The following CALU variants were observed in gnomAD, a reference collection of about 807,000 sequenced individuals.
CALU encodes the protein calumenin, also known as IEF SSP 9302.
CALU carries 13 observed loss-of-function variants against 37.5 expected under a neutral mutation model. That is an observed-to-expected ratio of 0.35 (90% CI 0.23 to 0.55). The LOEUF is 0.55. CALU is among the 20% of genes least tolerant of loss of function. The pLI, the probability that CALU is intolerant of heterozygous loss-of-function variation, is 0.89. For missense variants in CALU, 282 were observed against 391.7 expected (o/e 0.72, Z 2.36); for synonymous variants, 114 against 133.8 (o/e 0.85, Z 1.02).
intron 1 of CALU, among the ~76,000 whole-genome samples, chr7:128,740,498 C>A (rs1450448963): frequency 6.6e-6 from 1 of 152,180 alleles, no homozygotes; most frequent in African/African-American, 2.4e-5. Flanking sequence ...AGTTTGACCT[C>A]ACTCAGTAGA....
rs35355395 is a variant in CALU at position 128,770,576 on chromosome 7, C to CA, written c.*1424dup. 3.6e-3 allele frequency: 436 copies of CA among 122,504 alleles called. 2 individuals carry two copies. Among genetic ancestry groups the CA allele is most frequent in the East Asian group, 6.4e-3 (25 of 3,922 alleles). 7.6% of individuals were successfully genotyped at this position (122,504 alleles called of 1,614,324 possible). A position where few individuals can be genotyped will look rare whatever the true frequency, so the allele number is the denominator to read the frequency against. On this transcript the variant is annotated 3_prime_UTR_variant, in exon 7 of 7. Coordinates refer to ENST00000249364, the MANE Select transcript of CALU (RefSeq NM_001219.5). Reference sequence around the variant, plus strand: ...CCTCCTCTTTCCCTCTCCCCGCTGCCAAAAAAAAAAAAAAAGGAAACGTTT... The same window carrying CA: ...CCTCCTCTTTCCCTCTCCCCGCTGCCAAAAAAAAAAAAAAAAGGAAACGTTT...
At chr7:128,758,321 CT>C (rs1554365775) in intron 3 of CALU, among the ~76,000 whole-genome samples, 1 of 152,130 alleles carries the variant, frequency 6.6e-6, no homozygotes, top group Non-Finnish European at 1.5e-5. Context: ...TGATTTCTAT[CT>C]TTTTAATGAG....
In CALU at chr7:128,771,723, A is replaced by G. The variant is rs1801571919; in HGVS notation, c.*2556A>G. ...ACTGGAGAGACCTGCTGCTCGTTAT[A>G]TAATTATCTGATACCAAACACAAGC... On this transcript the variant is annotated 3_prime_UTR_variant, in exon 7 of 7. Transcript: ENST00000249364. 1 of 152,246 alleles carries G rather than the reference A, an allele frequency of 6.6e-6. No individual in the cohort carries two copies. The highest frequency in any genetic ancestry group is 6.5e-5 in the Admixed American group (1 of 15,282). 9.4% of individuals were successfully genotyped at this position (152,246 alleles called of 1,614,324 possible). A position where few individuals can be genotyped will look rare whatever the true frequency, so the allele number is the denominator to read the frequency against.
intron 2 of CALU, among the ~76,000 whole-genome samples, chr7:128,753,623 A>G (rs1308510671): frequency 6.6e-6 from 1 of 152,200 alleles, no homozygotes; most frequent in Admixed American, 6.5e-5. Context: ...AATTCAACAC[A>G]GTATTTAAAA....
At chr7:128,758,768 T>G in intron 3 of CALU, 103 bp from the exon 4 acceptor site, 1 of 813,008 alleles carries the variant, frequency 1.2e-6, no homozygotes, top group Non-Finnish European at 2.0e-6. Flanking sequence ...AATTATTTCT[T>G]CCTTGCATGG....
rs1302763328 is a variant in CALU, at chr7:128,754,493, G to C, written c.415+38G>C. On this transcript the variant is annotated intron_variant, in intron 3 of 6. Transcript: ENST00000249364. ...TGTCTGGGGGAAAAAGCCTTGTGGA[G>C]CTGGCACCTTGAAACGTAACTGTTT... 1.0e-5 allele frequency: 16 copies of C among 1,604,124 alleles called. No individual in the cohort carries two copies. The South Asian group carries it at 1.6e-4, about 16-fold the overall frequency.
intron 5 of CALU, among the ~76,000 whole-genome samples, chr7:128,760,112 C>T (rs1478006302): frequency 6.6e-6 from 1 of 152,154 alleles, no homozygotes; most frequent in African/African-American, 2.4e-5. Context: ...GCAGAAGAAT[C>T]GCTTGAACCC....
At chr7:128,747,382 C>T (rs748066218) in intron 1 of CALU, among the ~76,000 whole-genome samples, 5 of 152,142 alleles carry the variant, frequency 3.3e-5, no homozygotes, top group South Asian at 2.1e-4. Context: ...TTAACCTTCA[C>T]GTCATCAGTA....
chr7:128,762,717 A>G (rs1244775037), intron 5 of CALU, among the ~76,000 whole-genome samples: 1 of 152,052 alleles, frequency 6.6e-6, no homozygotes, highest in Admixed American at 6.5e-5. Context: ...CCCAGGCTGG[A>G]GTGCAGTGGC....
chr7:128,742,747 G>C (rs181426001), intron 1 of CALU, among the ~76,000 whole-genome samples: 1 of 152,152 alleles, frequency 6.6e-6, no homozygotes. Flanking sequence ...CAATTCTTAA[G>C]ACTCATTATT....
chr7:128,740,756 TA>T (rs1167832682), intron 1 of CALU, among the ~76,000 whole-genome samples: 2 of 152,178 alleles, frequency 1.3e-5, no homozygotes, highest in East Asian at 3.9e-4. Flanking sequence ...GTACTCAATA[TA>T]GCTTTGAAAC....
intron 4 of CALU, among the ~76,000 whole-genome samples, chr7:128,759,480 T>C (rs1471474922): frequency 1.3e-5 from 2 of 152,206 alleles, no homozygotes; most frequent in African/African-American, 4.8e-5. Context: ...AGTGTGACTT[T>C]AGCATGACTA....
intron 2 of CALU, among the ~76,000 whole-genome samples, chr7:128,749,562 G>A (rs923849132): frequency 6.6e-6 from 1 of 152,126 alleles, no homozygotes; most frequent in Non-Finnish European, 1.5e-5. Context: ...CACTGTTGGT[G>A]CAACTTCCTG....
intron 3 of CALU, among the ~76,000 whole-genome samples, chr7:128,757,568 AATG>A: frequency 6.6e-6 from 1 of 152,318 alleles, no homozygotes; most frequent in South Asian, 2.1e-4. Context: ...GGTCAGCAGT[AATG>A]ATGTTATTCT....
intron 5 of CALU, among the ~76,000 whole-genome samples, chr7:128,764,914 T>TTTC (rs539121202): frequency 9.2e-5 from 14 of 151,992 alleles, no homozygotes; most frequent in African/African-American, 2.9e-4. Context: ...ACGCATCCTG[T>TTTC]TTCTTCTTCT....
rs570120014 is a variant in CALU, at chr7:128,768,803, C to T, written c.844-260C>T. Among the ~76,000 whole-genome samples the T allele has an allele frequency of 1.4e-4, 19 of 137,574 alleles. No homozygotes were observed. In the South Asian group the frequency reaches 2.7e-3, roughly 20 times the overall value. 90.3% of individuals were successfully genotyped at this position (137,574 alleles called of 152,430 possible). A position where few individuals can be genotyped will look rare whatever the true frequency, so the allele number is the denominator to read the frequency against. The stretch of plus-strand genomic sequence containing the variant: ...CGGAGGTTGCGGTGAGCTGAGATCG[C>T]GCCATTGCACTCCAGCCTGGGCAAC... On this transcript the variant is annotated intron_variant, in intron 6 of 6. Transcript: ENST00000249364.
intron 1 of CALU, among the ~76,000 whole-genome samples, chr7:128,746,792 G>T (rs111265944): frequency 1.6e-4 from 21 of 133,412 alleles, no homozygotes; most frequent in Non-Finnish European, 3.0e-4. Context: ...TTTTTGAGAC[G>T]GAGTCTCACT....
chr7:128,755,166 T>C (rs574322506), intron 3 of CALU, among the ~76,000 whole-genome samples: 64 of 149,762 alleles, frequency 4.3e-4, no homozygotes, highest in African/African-American at 1.5e-3. Context: ...AAAATTTAAA[T>C]TAGCCAAGCA....
Position 128,772,577 on chromosome 7 carries a change from A to G in CALU, c.*3410A>G, listed in dbSNP as rs763991421. On this transcript the variant is annotated 3_prime_UTR_variant, in exon 7 of 7. Coordinates refer to ENST00000249364, the MANE Select transcript of CALU (RefSeq NM_001219.5). Reference sequence around the variant, plus strand: ...AACTTGGGTAGACGAGACAGTAGAAACTTCTGTTTTCTGGGAGCTGCATGT... The same window carrying G: ...AACTTGGGTAGACGAGACAGTAGAAGCTTCTGTTTTCTGGGAGCTGCATGT... 5 of 1,614,168 alleles carry G rather than the reference A, an allele frequency of 3.1e-6. No homozygotes were observed. The highest frequency in any genetic ancestry group is 4.2e-6 in the Non-Finnish European group (5 of 1,180,024).
Sources: gnomAD v4.1 joint callset for allele counts (sites outside exome capture counted in the v4.1 genomes callset) on GRCh38, gnomAD v4.1.1 for gene constraint, MANE v1.5 for transcripts, NCBI Gene and HGNC (gene_info 2026-07-23, HGNC 2026-07-21) for gene names.